Variants in UBE2V2 observed in about 807,000 individuals in gnomAD.
UBE2V2 encodes the protein ubiquitin-conjugating enzyme E2 variant 2.
Under a neutral mutation model 17.2 loss-of-function variants are expected in UBE2V2, and 9 were observed. The observed-to-expected ratio is 0.52, with a 90% CI of 0.32 to 0.91. The LOEUF (loss-of-function observed/expected upper bound fraction) is 0.91. Among genes scored for constraint, UBE2V2 ranks in the 40% least tolerant of loss-of-function variants. UBE2V2 has a pLI of 0.04. For synonymous variants in UBE2V2, 61 were observed against 57.5 expected, an observed-to-expected ratio of 1.06 and a Z score of -0.28; for missense variants, 133 against 182.6, an observed-to-expected ratio of 0.73 and a Z score of 1.56.
intron 1 of UBE2V2, among the ~76,000 whole-genome samples, chr8:48,031,226 C>A (rs2091380989): frequency 2.4e-3 from 1 of 414 alleles, no homozygotes; most frequent in African/African-American, 9.1e-3. Flanking sequence ...ACAAACAAAC[C>A]CCCCCCAACA....
intron 1 of UBE2V2, among the ~76,000 whole-genome samples, chr8:48,025,058 C>T (rs2154507122): frequency 6.6e-6 from 1 of 151,938 alleles, no homozygotes; most frequent in South Asian, 2.1e-4. Context: ...CTTCAGCCTC[C>T]CGAGTAGCTG....
chr8:48,008,575 C>A, intron 1 of UBE2V2, 105 bp downstream of exon 1: 2 of 1,445,696 alleles, frequency 1.4e-6, no homozygotes, highest in Non-Finnish European at 1.8e-6. Context: ...AGCCCGAGTG[C>A]GCTGTCTCGA....
the UBE2V2 span, among the ~76,000 whole-genome samples, chr8:47,998,101 C>T: frequency 1.3e-5 from 2 of 152,014 alleles, no homozygotes; most frequent in East Asian, 3.9e-4. Flanking sequence ...TCTTAAGTCT[C>T]TGAGCACGTT....
At chr8:48,048,049 T>C (rs1272067417) in intron 2 of UBE2V2, among the ~76,000 whole-genome samples, 3 of 150,268 alleles carry the variant, frequency 2.0e-5, no homozygotes, top group African/African-American at 7.4e-5. Context: ...TTACATGTAG[T>C]GAAATGCACA....
At chr8:48,008,390 T>C, upstream of UBE2V2, 1 of 1,546,764 alleles carries the variant, frequency 6.5e-7, no homozygotes, top group East Asian at 2.7e-5. Context: ...GGCGGCGCGC[T>C]CCCGGAAGTG....
chr8:48,045,530 G>A lies in UBE2V2; in HGVS notation c.165+2349G>A, dbSNP rs567620586. Among the ~76,000 whole-genome samples, 417 of 152,302 alleles carry A rather than the reference G, an allele frequency of 2.7e-3. 2 individuals carry two copies. Among genetic ancestry groups the A allele is most frequent in the Non-Finnish European group, 4.8e-3 (324 of 68,020 alleles). On this transcript the variant is annotated intron_variant, in intron 2 of 3. Coordinates refer to ENST00000523111, the MANE Select transcript of UBE2V2 (RefSeq NM_003350.3). ...ACCTACCTACTTCGTGGGGAGGTCA[G>A]CTAGATTTTAGGGTCTGCTTCAGGG...
intron 2 of UBE2V2, 173 bp downstream of exon 2, chr8:48,043,354 T>A: frequency 2.1e-6 from 1 of 484,042 alleles, no homozygotes; most frequent in Non-Finnish European, 3.2e-6. Flanking sequence ...CTCGATTACG[T>A]AGAGGATTGG....
chr8:48,011,086 A>G (rs897676347), intron 1 of UBE2V2, among the ~76,000 whole-genome samples: 6 of 152,024 alleles, frequency 3.9e-5, no homozygotes, highest in South Asian at 2.1e-4. Context: ...TTTTGGTAAC[A>G]TGGGAAGTAA....
At chr8:48,035,201 T>C in intron 1 of UBE2V2, 1 of 901,936 alleles carries the variant, frequency 1.1e-6, no homozygotes, top group Non-Finnish European at 1.3e-6. Context: ...CTGCTACTTC[T>C]GCCTCCCGGG....
Position 48,008,567 on chromosome 8 carries a change from C to A in UBE2V2, c.16+97C>A. 4.8e-6 allele frequency: 7 copies of A among 1,464,434 alleles called. No individual in the cohort carries two copies. The South Asian group carries it at 9.1e-5, about 19-fold the overall frequency. 90.7% of individuals were successfully genotyped at this position (1,464,434 alleles called of 1,614,324 possible). A position where few individuals can be genotyped will look rare whatever the true frequency, so the allele number is the denominator to read the frequency against. On this transcript the variant is annotated intron_variant, in intron 1 of 3. Coordinates refer to ENST00000523111, the MANE Select transcript of UBE2V2 (RefSeq NM_003350.3). ...CCGAGCGCTGACCGTGCGGGAGAAG[C>A]CCGAGTGCGCTGTCTCGAATGCCGC... is the stretch of plus-strand genomic sequence containing the variant.
chr8:48,047,095 C>A (rs1467710485), intron 2 of UBE2V2, among the ~76,000 whole-genome samples: 2 of 151,994 alleles, frequency 1.3e-5, no homozygotes, highest in Non-Finnish European at 2.9e-5. Context: ...GCATGCGACA[C>A]CATGCCCGGC....
At chr8:48,043,796 A>G (rs2091480138) in intron 2 of UBE2V2, among the ~76,000 whole-genome samples, 1 of 152,240 alleles carries the variant, frequency 6.6e-6, no homozygotes, top group African/African-American at 2.4e-5. Context: ...TTCTTCATCT[A>G]TAAAAAGTCT....
At chr8:48,060,052 A>G (rs1465993303) in intron 3 of UBE2V2, among the ~76,000 whole-genome samples, 2 of 151,796 alleles carry the variant, frequency 1.3e-5, no homozygotes, top group Non-Finnish European at 2.9e-5. Context: ...CGAAAAATAG[A>G]AAAATTAGCC....
chr8:48,023,065 C>T (rs2091316496), intron 1 of UBE2V2, among the ~76,000 whole-genome samples: 1 of 152,022 alleles, frequency 6.6e-6, no homozygotes, highest in Non-Finnish European at 1.5e-5. Context: ...TGAGGATTCT[C>T]TCTTTGTCTT....
chr8:48,036,800 G>C (rs2059225116), intron 1 of UBE2V2, among the ~76,000 whole-genome samples: 1 of 152,160 alleles, frequency 6.6e-6, no homozygotes, highest in Admixed American at 6.5e-5. Context: ...GGGTACATGT[G>C]ATCTTTCATT....
At chr8:47,998,323 A>T in the UBE2V2 span, among the ~76,000 whole-genome samples, 1 of 151,954 alleles carries the variant, frequency 6.6e-6, no homozygotes, top group Non-Finnish European at 1.5e-5. Context: ...GGGCGCACGT[A>T]GAAGAAGAAG....
chr8:48,051,884 C>G (rs1331940979), intron 3 of UBE2V2, among the ~76,000 whole-genome samples: 3 of 152,162 alleles, frequency 2.0e-5, no homozygotes, highest in African/African-American at 7.2e-5. Context: ...ATTAACACCC[C>G]CCCACCCCTG....
At chr8:48,035,107 C>CTTTTTTTTTTT (rs578114987) in intron 1 of UBE2V2, 25 of 855,594 alleles carry the variant, frequency 2.9e-5, no homozygotes, top group African/African-American at 1.9e-4. Flanking sequence ...CCTATTTATT[C>CTTTTTTTTTTT]TTTTTTTTTT....
At chr8:48,003,213 C>T in the UBE2V2 span, among the ~76,000 whole-genome samples, 1 of 58,586 alleles carries the variant, frequency 1.7e-5, no homozygotes, top group Non-Finnish European at 3.6e-5. Context: ...CTGTCTCAAA[C>T]AAAAAAAAAA....
Sources: gnomAD v4.1 joint callset for allele counts (sites outside exome capture counted in the v4.1 genomes callset) on GRCh38, gnomAD v4.1.1 for gene constraint, MANE v1.5 for transcripts, NCBI Gene and HGNC (gene_info 2026-07-23, HGNC 2026-07-21) for gene names.